DAPL1: variants seen among roughly 807,000 people sequenced by gnomAD.
DAPL1 encodes the protein death associated protein like 1.
Under a neutral mutation model 12.9 loss-of-function variants are expected in DAPL1, and 17 were observed. The observed-to-expected ratio is 1.32, with a 90% confidence interval of 0.90 to 1.98. The LOEUF (loss-of-function observed/expected upper bound fraction) is 1.98. DAPL1 is among the 30% of genes most tolerant of loss of function. The pLI is 0.00. For synonymous variants in DAPL1, 51 were observed against 42.0 expected (o/e 1.21, Z -0.82); for missense variants, 157 against 125.7 (o/e 1.25, Z -1.19).
intron 1 of DAPL1, among the ~76,000 whole-genome samples, 155 bp from the exon 2 acceptor site, chr2:158,804,127 T>C (rs557000231): frequency 4.5e-4 from 61 of 134,536 alleles, no homozygotes; most frequent in African/African-American, 1.5e-3. Context: ...GCCAATAAAA[T>C]ATATATATTT....
rs141086475 is a variant in DAPL1 at position 158,814,519 on chromosome 2, T to C, written c.208-1186T>C. 1.7e-3 allele frequency among the ~76,000 whole-genome samples: 261 copies of C among 152,316 alleles called. 1 individual carries two copies. The highest frequency in any genetic ancestry group is 2.9e-4 in the Non-Finnish European group (20 of 68,036). ...TAATTCTATCCCCCAGAGGTAACCATTGCTAACACTTCAGTGTATTTTCTT... is the reference window on the plus strand; with the variant it reads ...TAATTCTATCCCCCAGAGGTAACCACTGCTAACACTTCAGTGTATTTTCTT... On this transcript the variant is annotated intron_variant, in intron 3 of 3. Coordinates refer to ENST00000309950, the MANE Select transcript of DAPL1 (RefSeq NM_001017920.3).
chr2:158,801,113 G>A (rs948203970), intron 1 of DAPL1, among the ~76,000 whole-genome samples: 1 of 152,180 alleles, frequency 6.6e-6, no homozygotes, highest in African/African-American at 2.4e-5. Context: ...AAAGTGCTGG[G>A]ATTACAGGTG....
chr2:158,801,904 A>T (rs921737467), intron 1 of DAPL1, among the ~76,000 whole-genome samples: 1 of 152,358 alleles, frequency 6.6e-6, no homozygotes, highest in African/African-American at 2.4e-5. Flanking sequence ...AATCGGTAAG[A>T]AAAAGATAGG....
rs1010396311 is a variant in DAPL1 at position 158,815,685 on chromosome 2, T to C, written c.208-20T>C. 6.7e-7 allele frequency: 1 copy of C among 1,503,406 alleles called. No individual in the cohort carries two copies. Among genetic ancestry groups the C allele is most frequent in the Non-Finnish European group, 9.3e-7 (1 of 1,078,866 alleles). 93.1% of individuals were successfully genotyped at this position (1,503,406 alleles called of 1,614,324 possible). A position where few individuals can be genotyped will look rare whatever the true frequency, so the allele number is the denominator to read the frequency against. On this transcript the variant is annotated intron_variant, in intron 3 of 3. Transcript: ENST00000309950. ...AAGAAGATCCAATATGCCTATTTTT[T>C]CTTCCCTTCTCACCTTTAGCTCAAC...
Position 158,815,807 on chromosome 2 carries a change from C to A in DAPL1, c.310C>A (p.Pro104Thr), listed in dbSNP as rs1179492716. 2 of 1,611,470 alleles carry A rather than the reference C, an allele frequency of 1.2e-6. No homozygotes were observed. The highest frequency in any genetic ancestry group is 1.7e-6 in the Non-Finnish European group (2 of 1,177,526). Reference protein sequence around the residue: ...PLKRIYIIQQPRKC With the variant: ...PLKRIYIIQQTRKC ...GAAAAGGATCTACATTATTCAGCAG[C>A]CTCGAAAATGTTAAGCCTGGATTTA... is the stretch of plus-strand genomic sequence containing the variant. The change falls in exon 4 of 4, where the codon CCT (proline) becomes ACT (threonine). Residue 104 changes from proline to threonine, a missense_variant. Transcript: ENST00000309950.
intron 1 of DAPL1, among the ~76,000 whole-genome samples, chr2:158,797,013 A>G (rs2059138207): frequency 6.6e-6 from 1 of 152,238 alleles, no homozygotes; most frequent in Non-Finnish European, 1.5e-5. Context: ...TTAAGTCTGA[A>G]TCTGTTTGTG....
intron 1 of DAPL1, among the ~76,000 whole-genome samples, chr2:158,802,024 A>C (rs180908959): frequency 6.6e-6 from 1 of 152,354 alleles, no homozygotes; most frequent in Admixed American, 6.5e-5. Context: ...TTAATAAAAC[A>C]TGAGAAATGA....
chr2:158,803,861 A>G (rs986800473), intron 1 of DAPL1, among the ~76,000 whole-genome samples: 3 of 151,632 alleles, frequency 2.0e-5, no homozygotes, highest in Non-Finnish European at 4.4e-5. Flanking sequence ...CTTTGGTTGG[A>G]AAAAAAAATG....
intron 1 of DAPL1, among the ~76,000 whole-genome samples, chr2:158,802,246 T>A (rs2059171981): frequency 6.6e-6 from 1 of 152,216 alleles, no homozygotes; most frequent in Non-Finnish European, 1.5e-5. Flanking sequence ...ACTAACAAGA[T>A]CACTTTTAGG....
chr2:158,809,374 A>AT (rs1470673775), intron 3 of DAPL1, among the ~76,000 whole-genome samples: 1 of 148,970 alleles, frequency 6.7e-6, no homozygotes, highest in African/African-American at 2.5e-5. Context: ...AAAAAGAAAT[A>AT]TTTTTAACAG....
intron 3 of DAPL1, among the ~76,000 whole-genome samples, chr2:158,813,911 A>C (rs546837438): frequency 1.3e-5 from 2 of 152,012 alleles, no homozygotes; most frequent in African/African-American, 2.4e-5. Context: ...CTTAAGAACA[A>C]CAATCAACAT....
At chr2:158,801,919 A>G (rs1351556951) in intron 1 of DAPL1, among the ~76,000 whole-genome samples, 2 of 152,250 alleles carry the variant, frequency 1.3e-5, no homozygotes, top group East Asian at 3.8e-4. Flanking sequence ...GATAGGAAAA[A>G]GACTAGCAAT....
At chr2:158,802,109 G>A (rs1434318636) in intron 1 of DAPL1, among the ~76,000 whole-genome samples, 1 of 152,140 alleles carries the variant, frequency 6.6e-6, no homozygotes, top group Non-Finnish European at 1.5e-5. Context: ...TGTAGCTCGC[G>A]TTGTTAACAG....
intron 2 of DAPL1, 60 bp downstream of exon 2, chr2:158,804,429 G>A: frequency 1.5e-6 from 2 of 1,291,908 alleles, no homozygotes; most frequent in Admixed American, 4.2e-5. Context: ...CTGCCTCCAG[G>A]AGTTATTTTA....
chr2:158,807,146 A>G (rs767317614), intron 3 of DAPL1, 31 bp downstream of exon 3: 1 of 1,572,244 alleles, frequency 6.4e-7, no homozygotes, highest in East Asian at 2.3e-5. Flanking sequence ...ATAGCGCTCC[A>G]AGTCAATCTG....
intron 3 of DAPL1, 25 bp from the exon 4 acceptor site, chr2:158,815,680 T>C (rs2059256326): frequency 1.4e-6 from 2 of 1,477,542 alleles, no homozygotes; most frequent in Admixed American, 1.7e-5. Flanking sequence ...AATATGCCTA[T>C]TTTTTCTTCC....
At chr2:158,796,610 G>A (rs2059135726) in intron 1 of DAPL1, among the ~76,000 whole-genome samples, 1 of 152,130 alleles carries the variant, frequency 6.6e-6, no homozygotes, top group Non-Finnish European at 1.5e-5. Flanking sequence ...TCCTTACATA[G>A]ACAAAGACAA....
At chr2:158,802,378 C>T (rs1559042816) in intron 1 of DAPL1, among the ~76,000 whole-genome samples, 1 of 152,144 alleles carries the variant, frequency 6.6e-6, no homozygotes, top group Non-Finnish European at 1.5e-5. Context: ...TTAGAATGAG[C>T]GAGGCACATT....
intron 1 of DAPL1, among the ~76,000 whole-genome samples, chr2:158,800,156 T>C (rs907678589): frequency 6.6e-6 from 1 of 151,998 alleles, no homozygotes; most frequent in Non-Finnish European, 1.5e-5. Context: ...TTTTGAGAGG[T>C]AGATGAAAAG....
Sources: allele counts gnomAD v4.1 joint callset (sites outside exome capture counted in the v4.1 genomes callset), GRCh38; gene constraint gnomAD v4.1.1; transcripts MANE v1.5; gene names NCBI Gene and HGNC (gene_info 2026-07-23, HGNC 2026-07-21).